Variants in WWOX observed in about 807,000 individuals in gnomAD.
The protein encoded by WWOX is WW domain containing oxidoreductase.
A neutral mutation model predicts 46.2 loss-of-function variants in WWOX; 69 were observed. That is an observed-to-expected ratio of 1.49 (90% confidence interval 1.23 to 1.82). The LOEUF (loss-of-function observed/expected upper bound fraction) is 1.82. Among genes scored for constraint, WWOX ranks in the 40% most tolerant of loss-of-function variants. The pLI, the probability that WWOX is intolerant of heterozygous loss-of-function variation, is 0.00. For synonymous variants in WWOX, 359 were observed against 202.6 expected, an observed-to-expected ratio of 1.77 and a Z score of -6.56; for missense variants, 919 against 542.6, an observed-to-expected ratio of 1.69 and a Z score of -6.89.
intron 8 of WWOX, among the ~76,000 whole-genome samples, chr16:78,597,622 T>C (rs1317672556): frequency 6.6e-6 from 1 of 152,156 alleles, no homozygotes; most frequent in Non-Finnish European, 1.5e-5. Context: ...AGTTTAAAAT[T>C]GTTTTTTTCT....
intron 8 of WWOX, among the ~76,000 whole-genome samples, chr16:78,509,181 G>C (rs75302491): frequency 6.6e-6 from 1 of 152,214 alleles, no homozygotes; most frequent in Non-Finnish European, 1.5e-5. Flanking sequence ...GTTCACGCCT[G>C]TAATCCCAGC....
At chr16:78,167,467 C>G (rs1243053722) in intron 5 of WWOX, 2 of 152,104 alleles carry the variant, frequency 1.3e-5, no homozygotes, top group South Asian at 2.1e-4. Flanking sequence ...TGATCCCAGA[C>G]TAAGAATTAT....
intron 8 of WWOX, among the ~76,000 whole-genome samples, chr16:78,939,742 G>A (rs2151290908): frequency 6.6e-6 from 1 of 152,306 alleles, no homozygotes; most frequent in African/African-American, 2.4e-5. Flanking sequence ...CCATTTCTGG[G>A]TAACCCAGCC....
At chr16:78,436,857 A>T (rs1365675628) in intron 8 of WWOX, among the ~76,000 whole-genome samples, 1 of 152,228 alleles carries the variant, frequency 6.6e-6, no homozygotes, top group African/African-American at 2.4e-5. Flanking sequence ...AGGATAATGC[A>T]TCAGTTTCTT....
In WWOX at chr16:79,055,834, A is replaced by C. The variant is rs369488971; in HGVS notation, c.1057-155774A>C. On this transcript the variant is annotated intron_variant, in intron 8 of 8. Coordinates refer to ENST00000566780, the MANE Select transcript of WWOX (RefSeq NM_016373.4). ...AAACTCAAAGTGAGTCAGACTTCTTAGGCTTGTAGATGTTGAGGACTAAGC... is the reference window on the plus strand; with the variant it reads ...AAACTCAAAGTGAGTCAGACTTCTTCGGCTTGTAGATGTTGAGGACTAAGC... 6.6e-5 allele frequency among the ~76,000 whole-genome samples: 10 copies of C among 152,196 alleles called. 1 individual carries two copies. The highest frequency in any genetic ancestry group is 3.9e-4 in the East Asian group (2 of 5,190).
intron 8 of WWOX, among the ~76,000 whole-genome samples, chr16:78,686,384 G>T (rs377261116): frequency 6.6e-6 from 1 of 152,058 alleles, no homozygotes; most frequent in East Asian, 1.9e-4. Flanking sequence ...GGTGGCGGGC[G>T]CCTGTAGTCC....
chr16:78,498,392 C>T (rs141120832), intron 8 of WWOX, among the ~76,000 whole-genome samples: 2 of 152,114 alleles, frequency 1.3e-5, no homozygotes, highest in South Asian at 2.1e-4. Context: ...CTCTTCCCAC[C>T]CCTTCCCCAC....
rs540658799 is a variant in WWOX at position 79,009,408 on chromosome 16, A to G, written c.1057-202200A>G. Among the ~76,000 whole-genome samples, 8 of 152,176 alleles carry G rather than the reference A, an allele frequency of 5.3e-5. No homozygotes were observed. The South Asian group carries it at 1.7e-3, about 32-fold the overall frequency. On this transcript the variant is annotated intron_variant, in intron 8 of 8. Transcript: ENST00000566780. ...GGCAAGGAACTGTGCTACGGTTGGG[A>G]AGAGAGGAGTGGGCAAAAGGAGACA...
rs9934066 is a variant in WWOX, at chr16:79,015,132, T to C, written c.1057-196476T>C. Among the ~76,000 whole-genome samples, 1,064 of 152,272 alleles carry C rather than the reference T, an allele frequency of 7.0e-3. 16 individuals carry two copies. The highest frequency in any genetic ancestry group is 0.022 in the African/African-American group (907 of 41,552). ...GACACTACTGTGCATTTGCCTGTGATTTGCCATTGGGTTGGAGTACTTCTC... is the reference window on the plus strand; with the variant it reads ...GACACTACTGTGCATTTGCCTGTGACTTGCCATTGGGTTGGAGTACTTCTC... On this transcript the variant is annotated intron_variant, in intron 8 of 8. Coordinates refer to ENST00000566780, the MANE Select transcript of WWOX (RefSeq NM_016373.4).
At chr16:78,184,126 A>C (rs1478452085) in intron 5 of WWOX, among the ~76,000 whole-genome samples, 1 of 152,146 alleles carries the variant, frequency 6.6e-6, no homozygotes, top group Non-Finnish European at 1.5e-5. Context: ...CCATATCAGA[A>C]GGTCCTCAGC....
chr16:79,097,348 CTTTT>C (rs545489914), intron 8 of WWOX, among the ~76,000 whole-genome samples: 1 of 136,874 alleles, frequency 7.3e-6, no homozygotes, highest in Admixed American at 7.4e-5. Context: ...GGCTCCAAAA[CTTTT>C]TTTTTTTTTT....
chr16:78,345,934 C>T lies in WWOX; in HGVS notation c.517-40926C>T, dbSNP rs888130189. ...ACAATTCAATGAGTTTTGACAGATG[C>T]ACATGCCCATGAAACCAACACGAAA... On this transcript the variant is annotated intron_variant, in intron 5 of 8. Coordinates refer to ENST00000566780, the MANE Select transcript of WWOX (RefSeq NM_016373.4). Among the ~76,000 whole-genome samples, 7 of 116,546 alleles carry T rather than the reference C, an allele frequency of 6.0e-5. 3 individuals are homozygous for T. Among genetic ancestry groups the T allele is most frequent in the Admixed American group, 2.5e-4 (3 of 12,108 alleles). The allele number at this position is 116,546 out of a possible 152,430, so 76.5% of individuals were successfully genotyped here.
At chr16:78,270,527 G>T (rs12149739) in intron 5 of WWOX, 5,011 of 152,302 alleles carry the variant, frequency 0.033, 104 homozygotes, top group Non-Finnish European at 0.051. Context: ...CCTCCCTGTG[G>T]GACTAGGGGC....
chr16:78,461,548 CAT>C (rs2083949409), intron 8 of WWOX, among the ~76,000 whole-genome samples: 1 of 152,172 alleles, frequency 6.6e-6, no homozygotes, highest in South Asian at 2.1e-4. Context: ...CAAGGATCCC[CAT>C]GTGTGTATGT....
intron 5 of WWOX, among the ~76,000 whole-genome samples, chr16:78,370,597 CTTAT>C (rs2081653310): frequency 6.6e-6 from 1 of 151,744 alleles, no homozygotes; most frequent in Non-Finnish European, 1.5e-5. Context: ...TGGATTCTGT[CTTAT>C]TTATTTTTTA....
chr16:78,799,461 T>C (rs986507149), intron 8 of WWOX, among the ~76,000 whole-genome samples: 48 of 152,238 alleles, frequency 3.2e-4, no homozygotes, highest in African/African-American at 9.9e-4. Context: ...TCACCAGGGA[T>C]AGAGTCTCAA....
At chr16:78,993,776 C>T (rs962270470) in intron 8 of WWOX, among the ~76,000 whole-genome samples, 8 of 152,172 alleles carry the variant, frequency 5.3e-5, no homozygotes, top group African/African-American at 9.7e-5. Flanking sequence ...GGCCTGAGTC[C>T]GGGGGTGGCT....
At position 78,554,632 on chromosome 16, in the gene WWOX, C is replaced by CA. The variant is rs1423326500; in HGVS notation, c.1056+121882dup. Among the ~76,000 whole-genome samples, 1,290 of 151,654 alleles carry CA rather than the reference C, an allele frequency of 8.5e-3. 24 individuals are homozygous for CA. Among genetic ancestry groups the CA allele is most frequent in the African/African-American group, 0.029 (1,220 of 41,444 alleles). ...ACACAAATATATATGTGCCTTTGGA[C>CA]AAGAAAAAATCCCCAGGACAGTCTC... On this transcript the variant is annotated intron_variant, in intron 8 of 8. Transcript: ENST00000566780.
intron 5 of WWOX, among the ~76,000 whole-genome samples, chr16:78,323,791 T>A (rs1262532262): frequency 1.3e-5 from 2 of 152,190 alleles, no homozygotes; most frequent in Non-Finnish European, 2.9e-5. Context: ...TTCTTTTTCC[T>A]TTGTCCGGCA....
Sources: allele counts gnomAD v4.1 joint callset (sites outside exome capture counted in the v4.1 genomes callset), GRCh38; gene constraint gnomAD v4.1.1; transcripts MANE v1.5; gene names NCBI Gene and HGNC (gene_info 2026-07-23, HGNC 2026-07-21).